Variants in SNTG1 observed in about 807,000 individuals in gnomAD.
SNTG1 encodes the protein syntrophin gamma 1.
A neutral mutation model predicts 74.7 loss-of-function variants in SNTG1; 39 were observed. That is an observed-to-expected ratio of 0.52 (90% CI 0.40 to 0.68). The LOEUF is 0.68. SNTG1 is among the 30% of genes least tolerant of loss of function. The pLI, the probability that SNTG1 is intolerant of heterozygous loss-of-function variation, is 0.00. For synonymous variants in SNTG1, 254 were observed against 217.1 expected (o/e 1.17, Z -1.49); for missense variants, 685 against 609.5 (o/e 1.12, Z -1.30).
intron 2 of SNTG1, among the ~76,000 whole-genome samples, chr8:50,338,856 C>G (rs574664059): frequency 6.6e-6 from 1 of 151,966 alleles, no homozygotes; most frequent in Non-Finnish European, 1.5e-5. Flanking sequence ...CATGTAGGAA[C>G]AGAATAAATA....
chr8:50,784,231 G>A (rs1272290832), intron 18 of SNTG1, among the ~76,000 whole-genome samples: 1 of 152,100 alleles, frequency 6.6e-6, no homozygotes, highest in African/African-American at 2.4e-5. Context: ...AAATAATTCA[G>A]TCCTACTTAG....
At chr8:50,773,991 C>T (rs1320946287) in intron 18 of SNTG1, among the ~76,000 whole-genome samples, 2 of 151,946 alleles carry the variant, frequency 1.3e-5, no homozygotes, top group African/African-American at 4.8e-5. Context: ...CTGAACAAAA[C>T]ATTTGAGTTT....
chr8:50,288,358 T>C (rs2088901616), intron 2 of SNTG1, among the ~76,000 whole-genome samples: 1 of 152,170 alleles, frequency 6.6e-6, no homozygotes, highest in African/African-American at 2.4e-5. Context: ...TATTTCTAAA[T>C]GGCAGGACGT....
chr8:49,914,734 C>T (rs924633933), intron 1 of SNTG1, among the ~76,000 whole-genome samples: 2 of 152,040 alleles, frequency 1.3e-5, no homozygotes, highest in African/African-American at 4.8e-5. Context: ...ATGACTATTG[C>T]TAATATTTAG....
At chr8:50,139,623 T>C (rs2131456649) in intron 1 of SNTG1, among the ~76,000 whole-genome samples, 1 of 152,322 alleles carries the variant, frequency 6.6e-6, no homozygotes, top group African/African-American at 2.4e-5. Context: ...AGACACATCA[T>C]TTGATGTGTT....
intron 1 of SNTG1, among the ~76,000 whole-genome samples, chr8:50,096,798 G>A (rs2079944781): frequency 6.6e-6 from 1 of 152,060 alleles, no homozygotes; most frequent in Admixed American, 6.6e-5. Context: ...TTATGAATGA[G>A]CTATCTTAAT....
rs558533061 is a variant in SNTG1 at position 50,343,876 on chromosome 8, A to G, written c.-27-50336A>G. Reference sequence around the variant, plus strand: ...TTTCCAGGCTTAATAGAGTTAAAATACAGGCCTTAATATTATCACAATAGT... The same window carrying G: ...TTTCCAGGCTTAATAGAGTTAAAATGCAGGCCTTAATATTATCACAATAGT... On this transcript the variant is annotated intron_variant, in intron 2 of 18. Coordinates refer to ENST00000642720, the MANE Select transcript of SNTG1 (RefSeq NM_018967.5). 2.6e-5 allele frequency among the ~76,000 whole-genome samples: 4 copies of G among 152,328 alleles called. No individual in the cohort carries two copies. In the East Asian group the frequency reaches 5.8e-4, roughly 22 times the overall value.
intron 1 of SNTG1, among the ~76,000 whole-genome samples, chr8:49,972,676 A>AC (rs1262632666): frequency 6.6e-6 from 1 of 150,866 alleles, no homozygotes; most frequent in Admixed American, 6.6e-5. Flanking sequence ...ACAAGAAAAA[A>AC]AAACAACCCC....
At chr8:50,585,501 T>C (rs949822208) in intron 12 of SNTG1, among the ~76,000 whole-genome samples, 1 of 152,198 alleles carries the variant, frequency 6.6e-6, no homozygotes, top group Admixed American at 6.5e-5. Flanking sequence ...AAAATTAGCA[T>C]TGGTTTCTAA....
At chr8:50,398,531 C>A (rs548350788) in intron 3 of SNTG1, among the ~76,000 whole-genome samples, 2 of 152,326 alleles carry the variant, frequency 1.3e-5, no homozygotes, top group East Asian at 1.9e-4. Context: ...CACATATTTC[C>A]TATCCTCCAT....
intron 13 of SNTG1, among the ~76,000 whole-genome samples, chr8:50,646,982 G>T (rs1158135891): frequency 6.6e-6 from 1 of 151,994 alleles, no homozygotes; most frequent in Non-Finnish European, 1.5e-5. Flanking sequence ...TCCACAGATG[G>T]TACTGGAAAA....
intron 15 of SNTG1, among the ~76,000 whole-genome samples, chr8:50,674,081 T>G (rs911043262): frequency 3.9e-5 from 6 of 152,186 alleles, no homozygotes; most frequent in Non-Finnish European, 8.8e-5. Context: ...GGTTTGCCAG[T>G]ATTTTATTGA....
At chr8:50,199,505 C>T (rs1182704894) in intron 2 of SNTG1, among the ~76,000 whole-genome samples, 1 of 152,180 alleles carries the variant, frequency 6.6e-6, no homozygotes, top group South Asian at 2.1e-4. Flanking sequence ...GTGTGAGCCA[C>T]TGCGCCTGGC....
At chr8:50,611,398 A>G (rs1350704527) in intron 13 of SNTG1, among the ~76,000 whole-genome samples, 1 of 152,166 alleles carries the variant, frequency 6.6e-6, no homozygotes, top group Admixed American at 6.5e-5. Context: ...GATTAAAATT[A>G]TAGTTAGTGT....
chr8:50,665,390 T>C (rs978139406), intron 15 of SNTG1, among the ~76,000 whole-genome samples: 13 of 152,074 alleles, frequency 8.5e-5, no homozygotes, highest in African/African-American at 3.1e-4. Flanking sequence ...GTATGCAGCC[T>C]CAGTTTGTAG....
At chr8:50,662,523 G>A (rs1355838445) in intron 15 of SNTG1, among the ~76,000 whole-genome samples, 1 of 152,182 alleles carries the variant, frequency 6.6e-6, no homozygotes, top group Non-Finnish European at 1.5e-5. Flanking sequence ...AGCAGTTTAA[G>A]TAAATAGCCT....
chr8:50,272,277 C>G (rs1176471437), intron 2 of SNTG1, among the ~76,000 whole-genome samples: 1 of 152,150 alleles, frequency 6.6e-6, no homozygotes, highest in Non-Finnish European at 1.5e-5. Flanking sequence ...CTGTGTGTTT[C>G]TGGTTACAGT....
chr8:49,985,612 C>A (rs1421536276), intron 1 of SNTG1, among the ~76,000 whole-genome samples: 1 of 151,934 alleles, frequency 6.6e-6, no homozygotes, highest in Non-Finnish European at 1.5e-5. Flanking sequence ...AAAAATAGTT[C>A]ATATAAATTA....
At chr8:50,024,262 C>T (rs1817071530) in intron 1 of SNTG1, among the ~76,000 whole-genome samples, 2 of 152,244 alleles carry the variant, frequency 1.3e-5, no homozygotes, top group South Asian at 4.1e-4. Flanking sequence ...CTGTCCATGA[C>T]TTAACTCTCC....
Sources: allele counts gnomAD v4.1 joint callset (sites outside exome capture counted in the v4.1 genomes callset), GRCh38; gene constraint gnomAD v4.1.1; transcripts MANE v1.5; gene names NCBI Gene and HGNC (gene_info 2026-07-23, HGNC 2026-07-21).